Variants in PATJ observed in about 807,000 individuals in gnomAD.
PATJ encodes inaD-like protein.
PATJ carries 190 observed loss-of-function variants against 224.9 expected under a neutral mutation model. That is an observed-to-expected ratio of 0.84 (90% CI 0.75 to 0.95). PATJ has a LOEUF of 0.95. Ranked by LOEUF, PATJ falls within the 40% of genes least tolerant of loss-of-function variation. The pLI, the probability that PATJ is intolerant of heterozygous loss-of-function variation, is 0.00. For synonymous variants in PATJ, 769 were observed against 820.3 expected, an observed-to-expected ratio of 0.94 and a Z score of 1.07; for missense variants, 2,121 against 2,270.3, an observed-to-expected ratio of 0.93 and a Z score of 1.34.
At chr1:62,024,906 C>T (rs1375756373) in intron 29 of PATJ, among the ~76,000 whole-genome samples, 3 of 152,082 alleles carry the variant, frequency 2.0e-5, no homozygotes, top group Non-Finnish European at 4.4e-5. Flanking sequence ...TTCATAGAGC[C>T]ACAGTGCCCT....
chr1:61,776,630 T>C (rs1462946668), intron 7 of PATJ, among the ~76,000 whole-genome samples: 1 of 152,172 alleles, frequency 6.6e-6, no homozygotes, highest in African/African-American at 2.4e-5. Flanking sequence ...GTACATGTCT[T>C]TTGAATATTG....
chr1:61,997,219 C>G (rs1645420023), intron 28 of PATJ, among the ~76,000 whole-genome samples: 1 of 152,064 alleles, frequency 6.6e-6, no homozygotes, highest in South Asian at 2.1e-4. Context: ...GTGATTAAAC[C>G]TGACACAAAT....
chr1:62,005,657 C>A (rs1216127469), intron 28 of PATJ, among the ~76,000 whole-genome samples: 3 of 152,006 alleles, frequency 2.0e-5, no homozygotes, highest in African/African-American at 7.3e-5. Flanking sequence ...ACTTGGGAGG[C>A]TGAGGTGGGA....
chr1:61,917,315 A>G (rs1571280479), intron 26 of PATJ, among the ~76,000 whole-genome samples: 2 of 152,308 alleles, frequency 1.3e-5, no homozygotes, highest in Non-Finnish European at 2.9e-5. Flanking sequence ...TTTCACTGCC[A>G]TAGTTTTCTG....
chr1:62,078,336 G>A (rs1658677914), intron 31 of PATJ, among the ~76,000 whole-genome samples: 1 of 152,212 alleles, frequency 6.6e-6, no homozygotes, highest in South Asian at 2.1e-4. Context: ...AGGCTGGAGT[G>A]CAATGGCACG....
In PATJ at chr1:61,875,299, C is replaced by T; in HGVS notation, c.2892C>T (p.Asn964=). The change falls in exon 21 of 44, where the codon AAC becomes AAT. Residue 964 remains asparagine, a synonymous_variant. Coordinates refer to ENST00000642238, the MANE Select transcript of PATJ (RefSeq NM_001350145.3). Reference sequence around the variant, plus strand: ...CATCTGTACCATCAACTGAAGGAAACAGTCAACAAGGCAGATTTGACGACC... The same window carrying T: ...CATCTGTACCATCAACTGAAGGAAATAGTCAACAAGGCAGATTTGACGACC... ...SLPSVPSTEG[N]SQQGRFDDLE... is the part of the protein sequence containing the mutation. 9 of 1,608,900 alleles carry T rather than the reference C, an allele frequency of 5.6e-6. No individual in the cohort carries two copies. The highest frequency in any genetic ancestry group is 6.8e-6 in the Non-Finnish European group (8 of 1,175,830).
At chr1:61,746,842 A>G (rs1324915662) in intron 1 of PATJ, among the ~76,000 whole-genome samples, 1 of 152,198 alleles carries the variant, frequency 6.6e-6, no homozygotes, top group Non-Finnish European at 1.5e-5. Context: ...ATTAGGATGT[A>G]TTTTCTTTCA....
chr1:61,766,004 T>G (rs1362669403), intron 3 of PATJ, among the ~76,000 whole-genome samples: 1 of 152,156 alleles, frequency 6.6e-6, no homozygotes, highest in Non-Finnish European at 1.5e-5. Flanking sequence ...ATATGTGAAG[T>G]GTAAAAAGAT....
intron 33 of PATJ, among the ~76,000 whole-genome samples, chr1:62,087,373 T>C (rs1053453672): frequency 6.6e-6 from 1 of 151,564 alleles, no homozygotes; most frequent in Admixed American, 6.6e-5. Flanking sequence ...TTTGTAGGCA[T>C]AGGATGGGGG....
At position 62,106,079 on chromosome 1, in the gene PATJ, T is replaced by TATAC. The variant is rs1313613418; in HGVS notation, c.4378-2357_4378-2356insTACA. Among the ~76,000 whole-genome samples, 11 of 20,770 alleles carry TATAC rather than the reference T, an allele frequency of 5.3e-4. 1 individual carries two copies. The highest frequency in any genetic ancestry group is 1.2e-3 in the African/African-American group (8 of 6,658). The allele number at this position is 20,770 out of a possible 152,430, so 13.6% of individuals were successfully genotyped here. A position where few individuals can be genotyped will look rare whatever the true frequency, so the allele number is the denominator to read the frequency against. On this transcript the variant is annotated intron_variant, in intron 33 of 43. Transcript: ENST00000642238. Reference sequence around the variant, plus strand: ...AAAAAAAAAAATATATATATATATATACACACACACACACACACACACACA... The same window carrying TATAC: ...AAAAAAAAAAATATATATATATATATATACACACACACACACACACACACACACA...
At chr1:61,766,622 C>A (rs1646287698) in intron 4 of PATJ, 149 bp downstream of exon 4, 1 of 511,888 alleles carries the variant, frequency 2.0e-6, no homozygotes, top group Admixed American at 4.2e-5. Flanking sequence ...GAAACTGACA[C>A]CATTTTCTAA....
At chr1:61,756,563 CTTT>C (rs370667808) in intron 1 of PATJ, among the ~76,000 whole-genome samples, 4 of 65,620 alleles carry the variant, frequency 6.1e-5, no homozygotes, top group African/African-American at 2.0e-4. Context: ...AACCAGGACA[CTTT>C]TTTTTTTTTT....
intron 37 of PATJ, among the ~76,000 whole-genome samples, chr1:62,119,875 C>T (rs1486731375): frequency 1.3e-5 from 2 of 152,044 alleles, no homozygotes; most frequent in Non-Finnish European, 1.5e-5. Context: ...ACCTGGGAGG[C>T]GGAGGTTGCA....
intron 24 of PATJ, among the ~76,000 whole-genome samples, chr1:61,906,130 T>A (rs528776553): frequency 6.6e-6 from 1 of 152,248 alleles, no homozygotes; most frequent in Non-Finnish European, 1.5e-5. Context: ...GAAACACATT[T>A]ACCAGTTATA....
At chr1:61,965,307 T>C (rs368998963) in intron 27 of PATJ, among the ~76,000 whole-genome samples, 21 of 152,092 alleles carry the variant, frequency 1.4e-4, no homozygotes, top group African/African-American at 4.3e-4. Flanking sequence ...CAGGATTCAA[T>C]GAAAAAAACA....
At chr1:62,123,084 A>ATTT in intron 39 of PATJ, 26 bp downstream of exon 39, 1 of 1,564,692 alleles carries the variant, frequency 6.4e-7, no homozygotes, top group African/African-American at 1.4e-5. Context: ...TGCTGTATGT[A>ATTT]TTTTTCTGGT....
chr1:61,888,918 A>G, intron 22 of PATJ, among the ~76,000 whole-genome samples: 1 of 152,218 alleles, frequency 6.6e-6, no homozygotes, highest in Non-Finnish European at 1.5e-5. Context: ...TTAGCCTTGC[A>G]CTTGAAAGTT....
At chr1:61,948,433 C>T (rs1679096709) in intron 27 of PATJ, among the ~76,000 whole-genome samples, 1 of 152,172 alleles carries the variant, frequency 6.6e-6, no homozygotes, top group South Asian at 2.1e-4. Context: ...CAAAAGAAGA[C>T]ATTTATGCAG....
chr1:62,147,883 A>AT (rs1286307270), intron 41 of PATJ, among the ~76,000 whole-genome samples: 5 of 151,778 alleles, frequency 3.3e-5, no homozygotes, highest in African/African-American at 1.2e-4. Flanking sequence ...GAATCATTTG[A>AT]ACCCGGGAGG....
Sources: gnomAD v4.1 joint callset for allele counts (sites outside exome capture counted in the v4.1 genomes callset) on GRCh38, gnomAD v4.1.1 for gene constraint, MANE v1.5 for transcripts, NCBI Gene and HGNC (gene_info 2026-07-23, HGNC 2026-07-21) for gene names.